RAD23A: variants seen among roughly 807,000 people sequenced by gnomAD.
RAD23A encodes lysine-specific demethylase RAD23A.
RAD23A carries 16 observed loss-of-function variants against 44.8 expected under a neutral mutation model. The observed-to-expected ratio is 0.36, with a 90% CI of 0.24 to 0.54. The LOEUF is 0.54. Ranked by LOEUF, RAD23A falls within the 20% of genes least tolerant of loss-of-function variation. RAD23A has a pLI of 0.89. For missense variants in RAD23A, 380 were observed against 483.3 expected, an observed-to-expected ratio of 0.79 and a Z score of 2.00; for synonymous variants, 217 against 202.9, an observed-to-expected ratio of 1.07 and a Z score of -0.59.
intron 1 of RAD23A, 114 bp downstream of exon 1, chr19:12,946,134 T>G: frequency 9.7e-7 from 1 of 1,027,714 alleles, no homozygotes. Context: ...GGGTCGGCCC[T>G]GCCCAGACCC....
chr19:12,949,535 G>A (rs1971751706), intron 7 of RAD23A, 127 bp downstream of exon 7: 10 of 1,311,604 alleles, frequency 7.6e-6, no homozygotes, highest in East Asian at 2.3e-5. Flanking sequence ...CTTCCCCCAC[G>A]CCCCTGTGCT....
Position 12,952,922 on chromosome 19 carries a change from C to G in RAD23A, c.979-14C>G, listed in dbSNP as rs367902443. 6 of 1,613,370 alleles carry G rather than the reference C, an allele frequency of 3.7e-6. No individual in the cohort carries two copies. In the East Asian group the frequency reaches 8.9e-5, roughly 24 times the overall value. On this transcript the variant is annotated splice_polypyrimidine_tract_variant and intron_variant, in intron 8 of 8. Transcript: ENST00000586534. The stretch of plus-strand genomic sequence containing the variant: ...CTACCCTCTCCTGCTCACACTTAAC[C>G]TATCTTCCCACAGTTGAAGGCCCTG...
At position 12,949,337 on chromosome 19, in the gene RAD23A, A is replaced by G; in HGVS notation, c.742A>G (p.Ile248Val). 21 of 1,614,110 alleles carry G rather than the reference A, an allele frequency of 1.3e-5. No individual in the cohort carries two copies. Among genetic ancestry groups the G allele is most frequent in the Non-Finnish European group, 1.8e-5 (21 of 1,179,978 alleles). Reference protein sequence around the residue: ...QPQFQNMRQVIQQNPALLPAL... With the variant: ...QPQFQNMRQVVQQNPALLPAL... Reference sequence around the variant, plus strand: ...CCAGTTCCAGAACATGCGGCAGGTGATTCAGCAGAACCCTGCGCTGCTGCC... The same window carrying G: ...CCAGTTCCAGAACATGCGGCAGGTGGTTCAGCAGAACCCTGCGCTGCTGCC... The change falls in exon 7 of 9, where the codon ATT (isoleucine) becomes GTT (valine). Residue 248 changes from isoleucine (I) to valine (V), a missense_variant. By Grantham distance (29) the Ile-to-Val change is conservative. Around this residue, in one of 3 missense-constraint regions of RAD23A, gnomAD observed 279 missense variants for 313.7 expected, o/e 0.89. Coordinates refer to ENST00000586534, the MANE Select transcript of RAD23A (RefSeq NM_005053.4).
At chr19:12,946,084 G>GGGGGGGGGGGGGCT in intron 1 of RAD23A, 64 bp downstream of exon 1, 1 of 512,144 alleles carries the variant, frequency 2.0e-6, no homozygotes, top group Non-Finnish European at 3.7e-6. Context: ...TGGGGGCGGG[G>GGGGGGGGGGGGGCT]AGGCTAGAAT....
Position 12,948,341 on chromosome 19 carries a change from C to A in RAD23A, c.399C>A (p.Ser133=). Residue 133 remains serine, a synonymous_variant, in exon 3 of 9, where the codon TCC becomes TCA. Transcript: ENST00000586534. This position sits in a 1 kb window ranked among gnomAD's most constrained non-coding sequence, Gnocchi z 5.5. ...SPSEESAPTT[S]PESVSGSVPS... is the part of the protein sequence containing the mutation. ...CAGAGGAATCCGCCCCCACGACGTC[C>A]CCAGAGTCTGTGTCAGGGTAAGGCG... 6.3e-7 allele frequency: 1 copy of A among 1,593,868 alleles called. No individual in the cohort carries two copies. The highest frequency in any genetic ancestry group is 8.6e-7 in the Non-Finnish European group (1 of 1,168,600).
At chr19:12,946,403 G>A (rs1298058481) in intron 1 of RAD23A, among the ~76,000 whole-genome samples, 1 of 152,178 alleles carries the variant, frequency 6.6e-6, no homozygotes, top group Non-Finnish European at 1.5e-5. Context: ...GAATCTAGGA[G>A]TAATGACCAG....
Position 12,948,387 on chromosome 19 carries a change from G to A in RAD23A, c.416+29G>A. On this transcript the variant is annotated intron_variant, in intron 3 of 8. Coordinates refer to ENST00000586534, the MANE Select transcript of RAD23A (RefSeq NM_005053.4). This position sits in a 1 kb window ranked among gnomAD's most constrained non-coding sequence, Gnocchi z 5.5. ...AGGCGGGGGCAGCAGTCCCAGCTTG[G>A]GCCCTGTCCTCCTAGCACATTCCAG... is the stretch of plus-strand genomic sequence containing the variant. 2 of 1,556,508 alleles carry A rather than the reference G, an allele frequency of 1.3e-6. No individual in the cohort carries two copies. Among genetic ancestry groups the A allele is most frequent in the Non-Finnish European group, 1.7e-6 (2 of 1,149,868 alleles).
intron 7 of RAD23A, 60 bp downstream of exon 7, chr19:12,949,468 C>G: frequency 6.3e-7 from 1 of 1,589,112 alleles, no homozygotes. Context: ...CTGTGGGCAC[C>G]AGAGTCCATA....
At position 12,953,200 on chromosome 19, in the gene RAD23A, G is replaced by A; in HGVS notation, c.*151G>A. ...AAACAAGCAAACAGTCCAGCTTCCT[G>A]TCCTCCTAAAGTGGCCCCTGTTCCC... On this transcript the variant is annotated 3_prime_UTR_variant, in exon 9 of 9. Coordinates refer to ENST00000586534, the MANE Select transcript of RAD23A (RefSeq NM_005053.4). The A allele has an allele frequency of 1.7e-6, 1 of 577,528 alleles. No homozygotes were observed. The highest frequency in any genetic ancestry group is 2.8e-6 in the Non-Finnish European group (1 of 353,030). 35.8% of individuals were successfully genotyped at this position (577,528 alleles called of 1,614,324 possible).
intron 7 of RAD23A, among the ~76,000 whole-genome samples, chr19:12,950,619 T>G (rs1971785308): frequency 6.6e-6 from 1 of 152,074 alleles, no homozygotes; most frequent in Non-Finnish European, 1.5e-5. Context: ...GCCAGGATGG[T>G]CTCAATCTCC....
At chr19:12,949,004 A>G (rs1186624208) in intron 5 of RAD23A, 77 bp from the exon 6 acceptor site, 2 of 1,557,314 alleles carry the variant, frequency 1.3e-6, no homozygotes, top group Non-Finnish European at 1.7e-6. Context: ...CCGAGGCCTC[A>G]TCTGTGTCCT....
rs781647899 is a variant in RAD23A, at chr19:12,946,002, C to G, written c.54C>G (p.Arg18=). Residue 18 remains arginine, a synonymous_variant, in exon 1 of 9, where the codon CGC becomes CGG. Coordinates refer to ENST00000586534, the MANE Select transcript of RAD23A (RefSeq NM_005053.4). ...TGCAGCAGCAGACCTTCAAGATCCGCATGGAGCCTGACGAGACGGTGCGGG... is the reference window on the plus strand; with the variant it reads ...TGCAGCAGCAGACCTTCAAGATCCGGATGGAGCCTGACGAGACGGTGCGGG... ...KTLQQQTFKI[R]MEPDETVKVL... The G allele has an allele frequency of 6.3e-7, 1 of 1,577,484 alleles. No individual in the cohort carries two copies. Among genetic ancestry groups the G allele is most frequent in the Admixed American group, 1.7e-5 (1 of 57,358 alleles).
In RAD23A at chr19:12,953,212, T is replaced by TTTA. The variant is rs1191642010; in HGVS notation, c.*163_*164insTTA. 7 of 520,784 alleles carry TTTA rather than the reference T, an allele frequency of 1.3e-5. No homozygotes were observed. The highest frequency in any genetic ancestry group is 2.3e-5 in the Non-Finnish European group (7 of 310,428). The allele number at this position is 520,784 out of a possible 1,614,324, so 32.3% of individuals were successfully genotyped here. A position where few individuals can be genotyped will look rare whatever the true frequency, so the allele number is the denominator to read the frequency against. ...AGTCCAGCTTCCTGTCCTCCTAAAG[T>TTTA]GGCCCCTGTTCCCATCTCCCGGGCC... On this transcript the variant is annotated 3_prime_UTR_variant, in exon 9 of 9. Coordinates refer to ENST00000586534, the MANE Select transcript of RAD23A (RefSeq NM_005053.4).
chr19:12,952,181 A>G (rs1018807459), intron 7 of RAD23A, among the ~76,000 whole-genome samples: 4 of 151,328 alleles, frequency 2.6e-5, no homozygotes, highest in Admixed American at 2.6e-4. Context: ...AAGTGATTAT[A>G]GGTGTGAACC....
Position 12,948,996 on chromosome 19 carries a change from G to C in RAD23A, c.601-85G>C, listed in dbSNP as rs572444662. The C allele has an allele frequency of 6.5e-7, 1 of 1,544,116 alleles. No individual in the cohort carries two copies. The highest frequency in any genetic ancestry group is 2.4e-5 in the East Asian group (1 of 42,212). ...GGGTGGGCCTCTGGAGGGCAGGGCC[G>C]AGGCCTCATCTGTGTCCTGCCAGGG... On this transcript the variant is annotated intron_variant, in intron 5 of 8. Coordinates refer to ENST00000586534, the MANE Select transcript of RAD23A (RefSeq NM_005053.4). This position sits in a 1 kb window ranked among gnomAD's most constrained non-coding sequence, Gnocchi z 5.5.
intron 1 of RAD23A, 48 bp downstream of exon 1, chr19:12,946,068 G>T (rs749625381): frequency 2.9e-5 from 38 of 1,330,170 alleles, no homozygotes; most frequent in South Asian, 2.4e-4. Context: ...GGTTTCGGGG[G>T]TGGGGTGGGG....
At position 12,953,094 on chromosome 19, in the gene RAD23A, C is replaced by T. The variant is rs1419105208; in HGVS notation, c.*45C>T. 2 of 1,367,808 alleles carry T rather than the reference C, an allele frequency of 1.5e-6. No individual in the cohort carries two copies. The highest frequency in any genetic ancestry group is 1.5e-5 in the African/African-American group (1 of 68,118). The allele number at this position is 1,367,808 out of a possible 1,614,324, so 84.7% of individuals were successfully genotyped here. ...CGAAGCCCCCACCCTACCCTTATTC[C>T]ATGAAAGTTTTATAAAAGAAAAAAT... is the stretch of plus-strand genomic sequence containing the variant. On this transcript the variant is annotated 3_prime_UTR_variant, in exon 9 of 9. Coordinates refer to ENST00000586534, the MANE Select transcript of RAD23A (RefSeq NM_005053.4).
At position 12,946,038 on chromosome 19, in the gene RAD23A, GC is replaced by G; in HGVS notation, c.72+21del. On this transcript the variant is annotated intron_variant, in intron 1 of 8. Transcript: ENST00000586534. ...ACGAGACGGTGCGGGCCGGGCCGGA[GC>G]CCGGGGGCGGGAGCGACGGGTTTCG... The G allele has an allele frequency of 7.4e-7, 1 of 1,358,618 alleles. No homozygotes were observed. The highest frequency in any genetic ancestry group is 1.2e-5 in the South Asian group (1 of 81,454). The allele number at this position is 1,358,618 out of a possible 1,614,324, so 84.2% of individuals were successfully genotyped here.
chr19:12,953,495 T>C lies in RAD23A; in HGVS notation c.*446T>C, dbSNP rs893392140. ...AAATCTTTCCATCTAGGGCAAGTCCTGAAAGGCCCAAGGCCCCCTCCCCAG... is the reference window on the plus strand; with the variant it reads ...AAATCTTTCCATCTAGGGCAAGTCCCGAAAGGCCCAAGGCCCCCTCCCCAG... On this transcript the variant is annotated 3_prime_UTR_variant, in exon 9 of 9. Coordinates refer to ENST00000586534, the MANE Select transcript of RAD23A (RefSeq NM_005053.4). 4.9e-4 allele frequency: 75 copies of C among 153,904 alleles called. No homozygotes were observed. The highest frequency in any genetic ancestry group is 3.3e-4 in the Non-Finnish European group (23 of 68,974). The allele number at this position is 153,904 out of a possible 1,614,324, so 9.5% of individuals were successfully genotyped here.
Sources: allele counts gnomAD v4.1 joint callset (sites outside exome capture counted in the v4.1 genomes callset), GRCh38; gene constraint gnomAD v4.1.1; regional missense constraint gnomAD v4.1.1; non-coding constraint Gnocchi (gnomAD v3.1); transcripts MANE v1.5; gene names NCBI Gene and HGNC (gene_info 2026-07-23, HGNC 2026-07-21).